The following STS variants were observed in gnomAD, a reference collection of about 807,000 sequenced individuals.
STS encodes steryl-sulfatase.
Under a neutral mutation model 26.8 loss-of-function variants are expected in STS, and 7 were observed. That is an observed-to-expected ratio of 0.26 (90% CI 0.15 to 0.49). STS has a LOEUF of 0.49. STS is among the 20% of genes least tolerant of loss of function. The pLI is 0.98. For missense variants in STS, 434 were observed against 465.6 expected, an observed-to-expected ratio of 0.93 and a Z score of 0.63; for synonymous variants, 199 against 189.4, an observed-to-expected ratio of 1.05 and a Z score of -0.42.
At chrX:7,164,354 G>C (rs767893254) in intron 1 of STS, among the ~76,000 whole-genome samples, 2 of 111,837 alleles carry the variant, frequency 1.8e-5, no homozygotes, top group South Asian at 7.5e-4. Context: ...CCACCCGATG[G>C]TGCTGTTGTT....
intron 8 of STS, among the ~76,000 whole-genome samples, chrX:7,323,396 T>TC (rs1927157737): frequency 9.0e-6 from 1 of 110,652 alleles, no homozygotes; most frequent in Non-Finnish European, 1.9e-5. Flanking sequence ...CCCTAGTAGT[T>TC]CCCAGTGTCT....
chrX:7,316,955 A>G (rs1399726066), intron 8 of STS, among the ~76,000 whole-genome samples: 1 of 112,271 alleles, frequency 8.9e-6, no homozygotes, highest in Non-Finnish European at 1.9e-5. Flanking sequence ...CAGATCAAGC[A>G]TAAGAATGAC....
chrX:7,274,911 G>T (rs1924457101), intron 6 of STS, among the ~76,000 whole-genome samples: 1 of 112,026 alleles, frequency 8.9e-6, no homozygotes, highest in Non-Finnish European at 1.9e-5. Flanking sequence ...CAGCATTGAT[G>T]AAAGTAATTG....
rs1305160978 is a variant in STS, at chrX:7,291,880, G to A, written c.944-13166G>A. On this transcript the variant is annotated intron_variant, in intron 7 of 10. Transcript: ENST00000674429. ...AGTCTTTTAACTTTAATCACTTGAA[G>A]GTGGAATTACCTGTCAAATACCTGT... Among the ~76,000 whole-genome samples the A allele has an allele frequency of 3.6e-5, 4 of 111,767 alleles. No individual in the cohort carries two copies. In the Admixed American group the frequency reaches 3.8e-4, roughly 11 times the overall value.
intron 7 of STS, among the ~76,000 whole-genome samples, chrX:7,281,574 A>G (rs755222663): frequency 3.7e-4 from 42 of 112,087 alleles, no homozygotes; most frequent in African/African-American, 1.0e-3. Context: ...GTGCAACTCA[A>G]TGTAGCAGCA....
intron 7 of STS, among the ~76,000 whole-genome samples, chrX:7,292,274 G>T (rs1237914290): frequency 8.9e-6 from 1 of 112,529 alleles, no homozygotes; most frequent in Non-Finnish European, 1.9e-5. Flanking sequence ...AACTTCCCGA[G>T]AGGGTGTCCC....
At chrX:7,205,487 G>C (rs148968299) in intron 2 of STS, among the ~76,000 whole-genome samples, 1,637 of 111,526 alleles carry the variant, frequency 0.015, 70 homozygotes, top group Admixed American at 0.12. Context: ...GCAAATAGTG[G>C]GCACTCAGTG....
rs181264119 is a variant in STS at position 7,209,800 on chromosome X, G to A, written c.-5+18792G>A. On this transcript the variant is annotated intron_variant, in intron 2 of 10. Transcript: ENST00000674429. ...TCACCCCCACCCCCAAATAGGCCCT[G>A]GTGTGTGTTGTTCCCCTCTCTGTGT... Among the ~76,000 whole-genome samples, 263 of 109,281 alleles carry A rather than the reference G, an allele frequency of 2.4e-3. 1 individual carries two copies. The highest frequency in any genetic ancestry group is 8.5e-3 in the African/African-American group (255 of 30,056). The allele number at this position is 109,281 out of a possible 115,157, so 94.9% of individuals were successfully genotyped here.
intron 1 of STS, among the ~76,000 whole-genome samples, chrX:7,160,703 G>A (rs1331377959): frequency 8.9e-6 from 1 of 112,112 alleles, no homozygotes; most frequent in African/African-American, 3.2e-5. Flanking sequence ...CTGAAAGATT[G>A]GCATGATTTT....
intron 2 of STS, among the ~76,000 whole-genome samples, chrX:7,219,995 T>C (rs1921477757): frequency 8.9e-6 from 1 of 112,400 alleles, no homozygotes; most frequent in African/African-American, 3.2e-5. Context: ...TATTTGTTAA[T>C]TATCATCTTC....
chrX:7,290,155 A>G (rs1453487743), intron 7 of STS, among the ~76,000 whole-genome samples: 1 of 111,764 alleles, frequency 8.9e-6, no homozygotes, highest in Non-Finnish European at 1.9e-5. Flanking sequence ...TGCATACTTA[A>G]TTGAAAGCAG....
chrX:7,331,748 G>A lies in STS; in HGVS notation c.1242-2238G>A, dbSNP rs148338315. Among the ~76,000 whole-genome samples the A allele has an allele frequency of 5.7e-3, 632 of 110,389 alleles. 2 individuals carry two copies. The highest frequency in any genetic ancestry group is 0.02 in the African/African-American group (601 of 30,342). ...ACCACTTAAAAGTTTAGCTCAACAG[G>A]GTCACTTTCCATTTTTCATGGCAGA... is the stretch of plus-strand genomic sequence containing the variant. On this transcript the variant is annotated intron_variant, in intron 9 of 10. Transcript: ENST00000674429.
chrX:7,233,114 G>A (rs193115592), intron 2 of STS, among the ~76,000 whole-genome samples: 3 of 68,159 alleles, frequency 4.4e-5, no homozygotes, highest in Non-Finnish European at 5.3e-5. Flanking sequence ...TTTTTTTTGA[G>A]ATGGAGTCTC....
intron 1 of STS, among the ~76,000 whole-genome samples, chrX:7,167,567 T>C (rs1048879147): frequency 8.9e-6 from 1 of 112,090 alleles, no homozygotes; most frequent in Non-Finnish European, 1.9e-5. Context: ...GCTCTCAGCT[T>C]CTAAAGACTA....
chrX:7,230,227 A>G (rs1922000088), intron 2 of STS, among the ~76,000 whole-genome samples: 1 of 111,179 alleles, frequency 9.0e-6, no homozygotes, highest in South Asian at 3.8e-4. Context: ...CCATGATTTT[A>G]ATTGGAAGCC....
At position 7,151,997 on chromosome X, in the gene STS, G is replaced by C. The variant is rs1216188461; in HGVS notation, c.-134+3914G>C. Among the ~76,000 whole-genome samples the C allele has an allele frequency of 5.4e-5, 6 of 111,262 alleles. No individual in the cohort carries two copies. The Admixed American group carries it at 5.7e-4, about 11-fold the overall frequency. ...AGATGGAGTCTCACTCTTTCGCCCA[G>C]GCTGGAGTACAGTGGCACGATCTTG... On this transcript the variant is annotated intron_variant, in intron 1 of 10. Transcript: ENST00000674429.
intron 1 of STS, among the ~76,000 whole-genome samples, chrX:7,186,942 G>A (rs1264129971): frequency 9.0e-6 from 1 of 111,539 alleles, no homozygotes; most frequent in Admixed American, 9.5e-5. Flanking sequence ...CACAGCTGTT[G>A]CAACAAAGAC....
Position 7,307,659 on chromosome X carries a change from C to T in STS, c.1081+2476C>T, listed in dbSNP as rs186819532. 3.7e-3 allele frequency among the ~76,000 whole-genome samples: 414 copies of T among 111,988 alleles called. 1 individual carries two copies. The highest frequency in any genetic ancestry group is 6.1e-3 in the Non-Finnish European group (325 of 53,160). ...GTGGCTTCAAAGATTCCCTGATTTG[C>T]GATTGGTTTAGGAAGTGAAGCTTTG... On this transcript the variant is annotated intron_variant, in intron 8 of 10. Transcript: ENST00000674429.
intron 8 of STS, among the ~76,000 whole-genome samples, chrX:7,322,270 A>C (rs1927073104): frequency 8.9e-6 from 1 of 111,973 alleles, no homozygotes; most frequent in Admixed American, 9.5e-5. Context: ...GTAGCAGTCC[A>C]CAGAGAGAAG....
Sources: allele counts gnomAD v4.1 joint callset (sites outside exome capture counted in the v4.1 genomes callset), GRCh38; gene constraint gnomAD v4.1.1; transcripts MANE v1.5; gene names NCBI Gene and HGNC (gene_info 2026-07-23, HGNC 2026-07-21).